The following APPL1 variants were observed in gnomAD, a reference collection of about 807,000 sequenced individuals.
APPL1 encodes adaptor protein, phosphotyrosine interacting with PH domain and leucine zipper 1, also known as DCC-interacting protein 13-alpha.
APPL1 carries 42 observed loss-of-function variants against 106.8 expected under a neutral mutation model. The observed-to-expected ratio is 0.39, with a 90% CI of 0.31 to 0.51. The LOEUF (loss-of-function observed/expected upper bound fraction) is 0.51, where lower values mean the gene tolerates loss of function less well. APPL1 is among the 20% of genes least tolerant of loss of function. The pLI is 0.75. For missense variants in APPL1, 769 were observed against 858.2 expected (o/e 0.90, Z 1.30); for synonymous variants, 263 against 281.8 (o/e 0.93, Z 0.67).
At chr3:57,259,464 G>C (rs2060854037) in intron 16 of APPL1, among the ~76,000 whole-genome samples, 1 of 152,002 alleles carries the variant, frequency 6.6e-6, no homozygotes, top group Admixed American at 6.6e-5. Flanking sequence ...GTGTGTTTGT[G>C]TGTGTGTGTG....
rs1459280172 is a variant in APPL1, at chr3:57,272,357, T to C, written c.*2670T>C. 6.6e-6 allele frequency: 1 copy of C among 152,172 alleles called. No individual in the cohort carries two copies. Among genetic ancestry groups the C allele is most frequent in the African/African-American group, 2.4e-5 (1 of 41,440 alleles). The allele number at this position is 152,172 out of a possible 1,614,324, so 9.4% of individuals were successfully genotyped here. A position where few individuals can be genotyped will look rare whatever the true frequency, so the allele number is the denominator to read the frequency against. On this transcript the variant is annotated 3_prime_UTR_variant, in exon 22 of 22. Transcript: ENST00000288266. ...GTTTTTGCCACATCTGCAATGATTA[T>C]TGTTTAATTTCAAAAGAATCCTCAG...
chr3:57,247,520 A>C (rs1347686883), intron 9 of APPL1, 43 bp downstream of exon 9: 3 of 1,193,144 alleles, frequency 2.5e-6, no homozygotes, highest in Non-Finnish European at 2.5e-6. Context: ...AATGATGTGA[A>C]TGATAACAGC....
intron 19 of APPL1, among the ~76,000 whole-genome samples, chr3:57,267,497 A>G (rs902708939): frequency 2.0e-5 from 3 of 152,226 alleles, no homozygotes; most frequent in African/African-American, 7.2e-5. Context: ...CTGTGACAGT[A>G]ATGAATTTGA....
chr3:57,237,444 T>C, intron 2 of APPL1, 48 bp from the exon 3 acceptor site: 1 of 1,402,796 alleles, frequency 7.1e-7, no homozygotes, highest in Non-Finnish European at 9.8e-7. Context: ...TAGAAAAAAC[T>C]AAAACTTTTT....
chr3:57,259,138 T>G, intron 16 of APPL1, 58 bp downstream of exon 16: 1 of 1,400,348 alleles, frequency 7.1e-7, no homozygotes, highest in Non-Finnish European at 1.0e-6. Context: ...AAACTGTGAA[T>G]AATTTATTGT....
At chr3:57,240,606 A>G in intron 5 of APPL1, 54 bp downstream of exon 5, 2 of 1,428,548 alleles carry the variant, frequency 1.4e-6, no homozygotes, top group South Asian at 1.1e-5. Context: ...CAACACTTGT[A>G]AAATGCATAT....
chr3:57,260,568 C>T lies in APPL1; in HGVS notation c.1696-60C>T, dbSNP rs569619705. 2.1e-4 allele frequency: 305 copies of T among 1,470,126 alleles called. 1 individual carries two copies. The highest frequency in any genetic ancestry group is 3.0e-4 in the Admixed American group (15 of 49,258). 91.1% of individuals were successfully genotyped at this position (1,470,126 alleles called of 1,614,324 possible). ...TAGAACTTAGCATATGAGTTTGTCA[C>T]AAGTGCTGCTGTAATGACTTGTAAG... On this transcript the variant is annotated intron_variant, in intron 18 of 21. Transcript: ENST00000288266.
chr3:57,268,295 T>C, intron 20 of APPL1, 103 bp from the exon 21 acceptor site: 3 of 1,209,920 alleles, frequency 2.5e-6, no homozygotes, highest in Non-Finnish European at 2.3e-6. Context: ...TATGTATAAA[T>C]GCAAAAAAAT....
chr3:57,256,913 CTTACT>C lies in APPL1; in HGVS notation c.1153-38_1153-34del, dbSNP rs764272101. Reference sequence around the variant, plus strand: ...GAGTTACATTCAAACTTTTGGTTTGCTTACTTTACTAATATTAGTCCTTTTTTAAA... The same window carrying C: ...GAGTTACATTCAAACTTTTGGTTTGCTTACTAATATTAGTCCTTTTTTAAA... On this transcript the variant is annotated intron_variant, in intron 13 of 21. Transcript: ENST00000288266. 5 of 1,541,242 alleles carry C rather than the reference CTTACT, an allele frequency of 3.2e-6. No individual in the cohort carries two copies. In the African/African-American group the frequency reaches 6.8e-5, roughly 21 times the overall value.
chr3:57,246,990 CA>C (rs56949619), intron 8 of APPL1, among the ~76,000 whole-genome samples: 203 of 97,802 alleles, frequency 2.1e-3, no homozygotes, highest in Non-Finnish European at 2.0e-3. Context: ...GACCCTGTCT[CA>C]AAAAAAAAAA....
At chr3:57,234,423 G>C (rs944394007) in intron 1 of APPL1, among the ~76,000 whole-genome samples, 1 of 149,256 alleles carries the variant, frequency 6.7e-6, no homozygotes, top group Non-Finnish European at 1.5e-5. Flanking sequence ...TCAGCCTCCT[G>C]AGTAGCTGGG....
At chr3:57,260,849 AT>A in intron 19 of APPL1, 75 bp downstream of exon 19, 2 of 1,334,302 alleles carry the variant, frequency 1.5e-6, no homozygotes, top group Non-Finnish European at 2.0e-6. Flanking sequence ...TAATAATTAA[AT>A]TCTTACAAAT....
rs2060944954 is a variant in APPL1, at chr3:57,272,038, G to T, written c.*2351G>T. The T allele has an allele frequency of 6.6e-6, 1 of 152,136 alleles. No individual in the cohort carries two copies. The highest frequency in any genetic ancestry group is 2.4e-5 in the African/African-American group (1 of 41,438). 9.4% of individuals were successfully genotyped at this position (152,136 alleles called of 1,614,324 possible). On this transcript the variant is annotated 3_prime_UTR_variant, in exon 22 of 22. Transcript: ENST00000288266. ...TTACCCTCCTTTGAAATCCCTTCTAGTTCTGAGATGCTTTGAGGGTAACTG... is the reference window on the plus strand; with the variant it reads ...TTACCCTCCTTTGAAATCCCTTCTATTTCTGAGATGCTTTGAGGGTAACTG...
intron 7 of APPL1, among the ~76,000 whole-genome samples, chr3:57,243,592 G>C (rs2060757813): frequency 6.6e-6 from 1 of 152,224 alleles, no homozygotes; most frequent in Non-Finnish European, 1.5e-5. Flanking sequence ...GGAATCCACA[G>C]TTGGGTAGGA....
chr3:57,252,093 T>C (rs2107604885), intron 11 of APPL1, among the ~76,000 whole-genome samples, 176 bp from the exon 12 acceptor site: 1 of 152,334 alleles, frequency 6.6e-6, no homozygotes, highest in South Asian at 2.1e-4. Context: ...AAAGTCTGCA[T>C]CCTGATACCT....
At chr3:57,268,334 G>GA (rs1224935811) in intron 20 of APPL1, 64 bp from the exon 21 acceptor site, 2 of 1,413,484 alleles carry the variant, frequency 1.4e-6, no homozygotes, top group East Asian at 4.6e-5. Flanking sequence ...GATATTAACT[G>GA]AAATGTCTAA....
intron 7 of APPL1, among the ~76,000 whole-genome samples, chr3:57,245,172 A>G (rs1249797815): frequency 6.6e-6 from 1 of 152,208 alleles, no homozygotes; most frequent in Non-Finnish European, 1.5e-5. Flanking sequence ...TCATTGAGTC[A>G]TTGGTGTATT....
chr3:57,253,649 AAAATT>A, intron 12 of APPL1, 28 bp from the exon 13 acceptor site: 1 of 1,391,332 alleles, frequency 7.2e-7, no homozygotes, highest in Non-Finnish European at 9.4e-7. Flanking sequence ...TTGTAGAAAA[AAAATT>A]ATATTTTTCT....
At chr3:57,247,351 T>C (rs745931957) in intron 8 of APPL1, 44 bp from the exon 9 acceptor site, 1 of 1,106,758 alleles carries the variant, frequency 9.0e-7, no homozygotes, top group African/African-American at 1.6e-5. Context: ...TATTGCTTAA[T>C]CTATTTTTGT....
Sources: allele counts gnomAD v4.1 joint callset (sites outside exome capture counted in the v4.1 genomes callset), GRCh38; gene constraint gnomAD v4.1.1; transcripts MANE v1.5; gene names NCBI Gene and HGNC (gene_info 2026-07-23, HGNC 2026-07-21).